RAD51B: variants seen among roughly 807,000 people sequenced by gnomAD.
RAD51B encodes the protein DNA repair protein RAD51 homolog 2.
RAD51B carries 38 observed loss-of-function variants against 42.2 expected under a neutral mutation model. The ratio of observed to expected loss-of-function variants is 0.90; its 90% confidence interval spans 0.70 to 1.18. The LOEUF is 1.18. Among genes scored for constraint, RAD51B ranks in the 50% most tolerant of loss-of-function variants. The pLI is 0.00. For synonymous variants in RAD51B, 154 were observed against 145.2 expected (o/e 1.06, Z -0.43); for missense variants, 373 against 400.7 (o/e 0.93, Z 0.59).
At chr14:67,967,277 G>C (rs1383488022) in intron 7 of RAD51B, among the ~76,000 whole-genome samples, 1 of 152,150 alleles carries the variant, frequency 6.6e-6, no homozygotes, top group Non-Finnish European at 1.5e-5. Context: ...TGAGATTTGG[G>C]TGGGGACAGA....
At chr14:68,063,555 G>A (rs895829321) in intron 7 of RAD51B, among the ~76,000 whole-genome samples, 6 of 152,164 alleles carry the variant, frequency 3.9e-5, no homozygotes, top group Non-Finnish European at 8.8e-5. Flanking sequence ...GGCCAACATG[G>A]TGAAACCCTG....
intron 3 of RAD51B, among the ~76,000 whole-genome samples, chr14:67,830,493 C>T (rs2040999258): frequency 6.6e-6 from 1 of 151,804 alleles, no homozygotes; most frequent in South Asian, 2.1e-4. Flanking sequence ...TCTCTGCCTT[C>T]TGGGTTCCAG....
intron 7 of RAD51B, among the ~76,000 whole-genome samples, chr14:68,209,335 T>C (rs989796753): frequency 2.0e-5 from 3 of 152,192 alleles, no homozygotes; most frequent in Admixed American, 2.0e-4. Context: ...ACATCCTTTC[T>C]AAGTTGAGGC....
intron 7 of RAD51B, among the ~76,000 whole-genome samples, chr14:68,088,047 T>G (rs1288513122): frequency 1.4e-5 from 2 of 138,294 alleles, no homozygotes; most frequent in East Asian, 4.0e-4. Flanking sequence ...ATTATTTAAA[T>G]AAAAATAATA....
chr14:68,104,554 C>T lies in RAD51B; in HGVS notation c.757-187330C>T, dbSNP rs73286237. Among the ~76,000 whole-genome samples, 1,127 of 152,246 alleles carry T rather than the reference C, an allele frequency of 7.4e-3. 13 individuals are homozygous for T. Among genetic ancestry groups the T allele is most frequent in the African/African-American group, 0.026 (1,092 of 41,538 alleles). On this transcript the variant is annotated intron_variant, in intron 7 of 10. Coordinates refer to ENST00000471583, the MANE Select transcript of RAD51B (RefSeq NM_133510.4). ...TTAAAATTCAGTTATCTAATCTCCC[C>T]ACTTCATTGCATATTCTACTAGCAG...
At chr14:68,245,680 C>G (rs1269949714) in intron 7 of RAD51B, among the ~76,000 whole-genome samples, 3 of 152,238 alleles carry the variant, frequency 2.0e-5, no homozygotes, top group Non-Finnish European at 4.4e-5. Context: ...AATTCCTGCT[C>G]TCACAAGTTG....
At chr14:68,321,691 T>C (rs1021347589) in intron 8 of RAD51B, among the ~76,000 whole-genome samples, 1 of 152,242 alleles carries the variant, frequency 6.6e-6, no homozygotes, top group Non-Finnish European at 1.5e-5. Flanking sequence ...AAAATAATCA[T>C]TCTGACCTCA....
intron 7 of RAD51B, among the ~76,000 whole-genome samples, chr14:68,038,228 T>C (rs1478623687): frequency 6.6e-6 from 1 of 152,262 alleles, no homozygotes; most frequent in African/African-American, 2.4e-5. Context: ...AAAAAGTTGG[T>C]ATCGGCATGT....
intron 8 of RAD51B, among the ~76,000 whole-genome samples, chr14:68,389,848 TA>T (rs2083697114): frequency 6.6e-6 from 1 of 152,256 alleles, no homozygotes; most frequent in Non-Finnish European, 1.5e-5. Context: ...CACTGATTGC[TA>T]GGGAAATCTG....
intron 4 of RAD51B, among the ~76,000 whole-genome samples, chr14:67,844,998 T>C (rs796469088): frequency 1.3e-5 from 2 of 152,244 alleles, no homozygotes; most frequent in South Asian, 4.1e-4. Flanking sequence ...ATGGGTGTCA[T>C]TGCATGTGAG....
intron 7 of RAD51B, among the ~76,000 whole-genome samples, chr14:68,109,554 G>T (rs919143554): frequency 1.3e-5 from 2 of 152,002 alleles, no homozygotes; most frequent in African/African-American, 4.8e-5. Flanking sequence ...CATTCCCAGT[G>T]CATTTCTCCA....
chr14:68,479,936 C>T (rs1883042260), downstream of RAD51B, among the ~76,000 whole-genome samples: 1 of 152,096 alleles, frequency 6.6e-6, no homozygotes, highest in Non-Finnish European at 1.5e-5. Context: ...ACCTTCCCAG[C>T]TCAGCCTCCT....
intron 7 of RAD51B, among the ~76,000 whole-genome samples, chr14:68,226,754 G>A (rs1017445399): frequency 1.3e-5 from 2 of 152,090 alleles, no homozygotes; most frequent in Non-Finnish European, 2.9e-5. Flanking sequence ...GCAAACTGAG[G>A]GCCAGAGAGA....
At chr14:68,131,224 A>G (rs961716294) in intron 7 of RAD51B, among the ~76,000 whole-genome samples, 3 of 152,220 alleles carry the variant, frequency 2.0e-5, no homozygotes, top group Non-Finnish European at 4.4e-5. Context: ...CTGCAATGTC[A>G]CTTAGAATTT....
chr14:68,678,478 C>T (rs1456422876), intron 11 of RAD51B, among the ~76,000 whole-genome samples: 1 of 152,032 alleles, frequency 6.6e-6, no homozygotes, highest in Non-Finnish European at 1.5e-5. Context: ...AAATAAAAAC[C>T]CCTGCCCTCA....
chr14:68,468,490 C>G, intron 10 of RAD51B: 1 of 554,254 alleles, frequency 1.8e-6, no homozygotes, highest in Non-Finnish European at 3.4e-6. Context: ...CAGAATGAGA[C>G]AATCAAAACA....
intron 8 of RAD51B, among the ~76,000 whole-genome samples, chr14:68,346,848 G>A (rs1429058774): frequency 6.6e-6 from 1 of 152,132 alleles, no homozygotes; most frequent in African/African-American, 2.4e-5. Context: ...TAGAACCATT[G>A]TGAATTTCTC....
chr14:68,219,871 T>C (rs1321710924), intron 7 of RAD51B, among the ~76,000 whole-genome samples: 1 of 151,964 alleles, frequency 6.6e-6, no homozygotes, highest in Non-Finnish European at 1.5e-5. Flanking sequence ...CTATAATAAT[T>C]CAGAAAGTGA....
At chr14:68,358,154 T>A (rs2082946279) in intron 8 of RAD51B, among the ~76,000 whole-genome samples, 1 of 152,170 alleles carries the variant, frequency 6.6e-6, no homozygotes, top group Admixed American at 6.5e-5. Flanking sequence ...ACATAAAAGA[T>A]CACTGATCAT....
Sources: allele counts gnomAD v4.1 joint callset (sites outside exome capture counted in the v4.1 genomes callset), GRCh38; gene constraint gnomAD v4.1.1; transcripts MANE v1.5; gene names NCBI Gene and HGNC (gene_info 2026-07-23, HGNC 2026-07-21).